Variants in TJP1 observed in about 807,000 individuals in gnomAD.
TJP1 encodes the protein tight junction protein 1.
TJP1 carries 43 observed loss-of-function variants against 194.2 expected under a neutral mutation model. The observed-to-expected ratio is 0.22, with a 90% CI of 0.17 to 0.29. The LOEUF (loss-of-function observed/expected upper bound fraction) is 0.29. TJP1 is among the 10% of genes least tolerant of loss of function. The pLI is 1.00. For synonymous variants in TJP1, 801 were observed against 779.0 expected, an observed-to-expected ratio of 1.03 and a Z score of -0.47; for missense variants, 1,971 against 2,185.7, an observed-to-expected ratio of 0.90 and a Z score of 1.96.
At chr15:29,771,043 A>C (rs1022695107) in intron 4 of TJP1, among the ~76,000 whole-genome samples, 2 of 152,184 alleles carry the variant, frequency 1.3e-5, no homozygotes, top group Admixed American at 1.3e-4. Context: ...TAGTAAGTGC[A>C]CTAAACAGGC....
At chr15:29,713,741 C>T (rs2042383538) in intron 23 of TJP1, among the ~76,000 whole-genome samples, 1 of 152,172 alleles carries the variant, frequency 6.6e-6, no homozygotes, top group Non-Finnish European at 1.5e-5. Context: ...TAGTTATCTT[C>T]CATGACCCTT....
rs530440619 is a variant in TJP1, at chr15:29,920,995, C to T, written c.306+35237G>A. On this transcript the variant is annotated intron_variant, in intron 2 of 28. Transcript: ENST00000356107. ...GGACAGATGGATGGATCGGCAGATACGTGATAAAACAAAGTAAAAGAATAA... is the reference window on the plus strand; with the variant it reads ...GGACAGATGGATGGATCGGCAGATATGTGATAAAACAAAGTAAAAGAATAA... 3.3e-5 allele frequency among the ~76,000 whole-genome samples: 5 copies of T among 152,014 alleles called. No homozygotes were observed. In the South Asian group the frequency reaches 6.2e-4, roughly 19 times the overall value.
At chr15:29,829,173 C>T (rs752583778) in intron 2 of TJP1, among the ~76,000 whole-genome samples, 21 of 152,142 alleles carry the variant, frequency 1.4e-4, no homozygotes, top group Non-Finnish European at 2.9e-4. Flanking sequence ...CTGCTGACTT[C>T]CCCTAATATT....
At chr15:29,953,087 T>C (rs2055809804) in intron 2 of TJP1, among the ~76,000 whole-genome samples, 1 of 151,924 alleles carries the variant, frequency 6.6e-6, no homozygotes, top group African/African-American at 2.4e-5. Context: ...TTCGAATCCA[T>C]GTTTTTTTCA....
intron 2 of TJP1, among the ~76,000 whole-genome samples, chr15:29,837,071 G>GTAA (rs2051059437): frequency 6.6e-6 from 1 of 152,134 alleles, no homozygotes; most frequent in Admixed American, 6.5e-5. Context: ...TTACACATGT[G>GTAA]TTACTGCTTT....
At chr15:29,853,672 A>G (rs968304941) in intron 2 of TJP1, among the ~76,000 whole-genome samples, 2 of 152,334 alleles carry the variant, frequency 1.3e-5, no homozygotes, top group East Asian at 3.9e-4. Context: ...GAATGAGAGG[A>G]ACTGATGTCC....
At chr15:29,821,710 A>G (rs1168648792) in intron 1 of TJP1, among the ~76,000 whole-genome samples, 2 of 151,930 alleles carry the variant, frequency 1.3e-5, no homozygotes, top group East Asian at 1.9e-4. Context: ...CCCCGCCCTC[A>G]GCGAGCCGCA....
intron 1 of TJP1, chr15:29,820,512 AAGT>A (rs781499661): frequency 1.4e-6 from 1 of 716,738 alleles, no homozygotes; most frequent in Non-Finnish European, 2.6e-6. Flanking sequence ...AATTCAGGAG[AAGT>A]ACTCCTCCTA....
intron 2 of TJP1, among the ~76,000 whole-genome samples, chr15:29,920,647 G>A (rs912841682): frequency 3.3e-5 from 5 of 152,262 alleles, no homozygotes; most frequent in African/African-American, 7.2e-5. Flanking sequence ...TTGCATCTGC[G>A]GGGCGAAGGT....
At chr15:29,729,813 ACT>A (rs2043497232) in intron 15 of TJP1, among the ~76,000 whole-genome samples, 1 of 141,900 alleles carries the variant, frequency 7.0e-6, no homozygotes, top group African/African-American at 2.6e-5. Context: ...ACAGAGCGAG[ACT>A]CTGTTTCAAA....
intron 2 of TJP1, among the ~76,000 whole-genome samples, chr15:29,940,733 G>A (rs930584134): frequency 3.9e-5 from 6 of 152,120 alleles, no homozygotes; most frequent in Non-Finnish European, 7.4e-5. Context: ...ATCCATATTA[G>A]ATAAAAAAGA....
intron 2 of TJP1, among the ~76,000 whole-genome samples, chr15:29,921,847 C>CTTTTTTT (rs202166290): frequency 1.4e-5 from 2 of 147,208 alleles, no homozygotes; most frequent in Non-Finnish European, 3.0e-5. Context: ...TTCTTTCTTT[C>CTTTTTTT]TTTTTTTTTT....
At chr15:29,821,790 G>GGCCGCCCCCAGTGCGGCCCGC in intron 1 of TJP1, among the ~76,000 whole-genome samples, 1 of 148,572 alleles carries the variant, frequency 6.7e-6, no homozygotes, top group South Asian at 2.1e-4. Context: ...CCCCCTCCCC[G>GGCCGCCCCCAGTGCGGCCCGC]GCCGCCCCCA....
At chr15:29,853,628 T>C (rs1007050779) in intron 2 of TJP1, among the ~76,000 whole-genome samples, 1 of 152,002 alleles carries the variant, frequency 6.6e-6, no homozygotes, top group Non-Finnish European at 1.5e-5. Flanking sequence ...CCCACAGGAG[T>C]CATACTTAAC....
chr15:29,803,957 C>G (rs1350391208), intron 1 of TJP1, among the ~76,000 whole-genome samples: 1 of 151,740 alleles, frequency 6.6e-6, no homozygotes, highest in African/African-American at 2.4e-5. Flanking sequence ...AGTGGTTAGG[C>G]TCTTGACCAG....
At chr15:29,717,319 G>A (rs2042626366) in intron 22 of TJP1, among the ~76,000 whole-genome samples, 1 of 152,306 alleles carries the variant, frequency 6.6e-6, no homozygotes, top group Non-Finnish European at 1.5e-5. Context: ...AGCAGATGAG[G>A]AAGAAAGCAA....
intron 2 of TJP1, among the ~76,000 whole-genome samples, chr15:29,922,181 G>A (rs2054387326): frequency 6.6e-6 from 1 of 152,022 alleles, no homozygotes; most frequent in African/African-American, 2.4e-5. Flanking sequence ...GTATTTTAAA[G>A]GAACTCAGAC....
intron 2 of TJP1, among the ~76,000 whole-genome samples, chr15:29,841,931 C>T (rs902705589): frequency 6.6e-6 from 1 of 152,038 alleles, no homozygotes. Flanking sequence ...AAGCCAGAAC[C>T]CCATCAAGAA....
At chr15:29,838,635 T>C (rs2051117146) in intron 2 of TJP1, among the ~76,000 whole-genome samples, 1 of 142,526 alleles carries the variant, frequency 7.0e-6, no homozygotes, top group East Asian at 2.1e-4. Flanking sequence ...TGTGTGTGTG[T>C]AGTGTGCACA....
Sources: gnomAD v4.1 joint callset for allele counts (sites outside exome capture counted in the v4.1 genomes callset) on GRCh38, gnomAD v4.1.1 for gene constraint, MANE v1.5 for transcripts, NCBI Gene and HGNC (gene_info 2026-07-23, HGNC 2026-07-21) for gene names.